The following ZNF609 variants were observed in gnomAD, a reference collection of about 807,000 sequenced individuals.
ZNF609 encodes the protein zinc finger protein 609.
Under a neutral mutation model 109.5 loss-of-function variants are expected in ZNF609, and 11 were observed. That is an observed-to-expected ratio of 0.10 (90% CI 0.06 to 0.17). The LOEUF (loss-of-function observed/expected upper bound fraction) is 0.17. ZNF609 is among the 10% of genes least tolerant of loss of function. The pLI is 1.00. For missense variants in ZNF609, 1,559 were observed against 1,772.4 expected (o/e 0.88, Z 2.16); for synonymous variants, 646 against 662.0 (o/e 0.98, Z 0.37).
intron 2 of ZNF609, among the ~76,000 whole-genome samples, chr15:64,542,726 A>G (rs760054686): frequency 1.6e-4 from 25 of 152,030 alleles, no homozygotes; most frequent in Non-Finnish European, 2.5e-4. Context: ...CCTGTGGATG[A>G]TTCTTCTTTT....
At chr15:64,584,213 T>C (rs1240712789) in intron 2 of ZNF609, among the ~76,000 whole-genome samples, 1 of 152,216 alleles carries the variant, frequency 6.6e-6, no homozygotes, top group East Asian at 1.9e-4. Context: ...GACTCGGCAC[T>C]TTGGGAGGCC....
chr15:64,554,053 G>T (rs1472428968), intron 2 of ZNF609, among the ~76,000 whole-genome samples: 1 of 152,054 alleles, frequency 6.6e-6, no homozygotes, highest in East Asian at 1.9e-4. Context: ...TTTCCATTTA[G>T]ATGCCTTTTA....
At chr15:64,507,300 T>G (rs576004441) in intron 2 of ZNF609, among the ~76,000 whole-genome samples, 1 of 152,322 alleles carries the variant, frequency 6.6e-6, no homozygotes, top group African/African-American at 2.4e-5. Flanking sequence ...ACTTGTATTT[T>G]TGCCATTTGG....
At chr15:64,604,135 T>C (rs572937913) in intron 2 of ZNF609, among the ~76,000 whole-genome samples, 126 of 152,326 alleles carry the variant, frequency 8.3e-4, no homozygotes, top group African/African-American at 2.8e-3. Flanking sequence ...TTGTTCACAT[T>C]TGTTTACCTC....
chr15:64,602,600 T>C (rs1353098070), intron 2 of ZNF609, among the ~76,000 whole-genome samples: 1 of 152,132 alleles, frequency 6.6e-6, no homozygotes, highest in Non-Finnish European at 1.5e-5. Context: ...TTGATGTTCC[T>C]TGGGTTCTCT....
At chr15:64,579,616 A>G (rs1895060979) in intron 2 of ZNF609, among the ~76,000 whole-genome samples, 1 of 151,682 alleles carries the variant, frequency 6.6e-6, no homozygotes, top group Admixed American at 6.6e-5. Flanking sequence ...AGGGTGAGGC[A>G]GGAGAATCAC....
intron 2 of ZNF609, among the ~76,000 whole-genome samples, chr15:64,528,270 G>A (rs1893999993): frequency 6.6e-6 from 1 of 151,474 alleles, no homozygotes. Flanking sequence ...GCTAATTTTT[G>A]AATTTTTTAG....
intron 2 of ZNF609, among the ~76,000 whole-genome samples, chr15:64,582,995 C>A (rs1463700600): frequency 6.6e-6 from 1 of 151,084 alleles, no homozygotes; most frequent in African/African-American, 2.4e-5. Context: ...TTGTGATTCA[C>A]CTGCCTCGGC....
chr15:64,658,118 C>A lies in ZNF609; in HGVS notation c.974-12228C>A, dbSNP rs561061724. 3.3e-5 allele frequency among the ~76,000 whole-genome samples: 5 copies of A among 152,278 alleles called. No individual in the cohort carries two copies. In the South Asian group the frequency reaches 1.0e-3, roughly 32 times the overall value. ...TCTCTATAAAGAGGCAGAAGGAAAA[C>A]AATGCTTGGCTTTTATGCCTTATGT... On this transcript the variant is annotated intron_variant, in intron 3 of 9. Coordinates refer to ENST00000326648, the MANE Select transcript of ZNF609 (RefSeq NM_015042.2).
intron 2 of ZNF609, chr15:64,503,000 A>G (rs1438196314): frequency 1.3e-5 from 2 of 150,592 alleles, no homozygotes; most frequent in Non-Finnish European, 2.9e-5. Flanking sequence ...TGGAGGTTGC[A>G]TTGAGCTGAG....
intron 1 of ZNF609, among the ~76,000 whole-genome samples, chr15:64,469,621 T>C (rs1893066999): frequency 6.6e-6 from 1 of 152,106 alleles, no homozygotes. Flanking sequence ...GCTGTACTTT[T>C]ATTAGGCCAT....
intron 2 of ZNF609, among the ~76,000 whole-genome samples, chr15:64,507,957 C>G (rs1893661430): frequency 6.6e-6 from 1 of 152,054 alleles, no homozygotes; most frequent in Non-Finnish European, 1.5e-5. Context: ...TCCTGGCTGA[C>G]CGAGGAGACA....
intron 3 of ZNF609, among the ~76,000 whole-genome samples, chr15:64,634,585 C>T (rs1422699109): frequency 6.6e-6 from 1 of 152,154 alleles, no homozygotes; most frequent in East Asian, 1.9e-4. Flanking sequence ...AGGTGGCATT[C>T]AGCTATTGGT....
At position 64,680,678 on chromosome 15, in the gene ZNF609, A is replaced by T; in HGVS notation, c.3978A>T (p.Arg1326=). The stretch of plus-strand genomic sequence containing the variant: ...ATAAAACTTCTCAGGAGAGAGATCG[A>T]GGAGGCTGTGGGGTGGTTGGGGGTG... ...ISDKTSQERD[R]GGCGVVGGGG... is the part of the protein sequence containing the mutation. The change falls in exon 8 of 10, where the codon CGA becomes CGT. Residue 1326 remains arginine (R), a synonymous_variant. Transcript: ENST00000326648. 6.3e-7 allele frequency: 1 copy of T among 1,598,150 alleles called. No individual in the cohort carries two copies. Among genetic ancestry groups the T allele is most frequent in the Non-Finnish European group, 8.5e-7 (1 of 1,173,052 alleles).
At chr15:64,553,720 T>C (rs1272080963) in intron 2 of ZNF609, among the ~76,000 whole-genome samples, 1 of 151,992 alleles carries the variant, frequency 6.6e-6, no homozygotes, top group African/African-American at 2.4e-5. Context: ...TGCCTCAGCC[T>C]CCCGAGTAGC....
chr15:64,472,334 G>A (rs1021829317), intron 1 of ZNF609, among the ~76,000 whole-genome samples: 1 of 152,244 alleles, frequency 6.6e-6, no homozygotes, highest in African/African-American at 2.4e-5. Flanking sequence ...ATGAAATCCA[G>A]ATGAGGCAGT....
intron 2 of ZNF609, among the ~76,000 whole-genome samples, chr15:64,537,204 CAG>C (rs1284917931): frequency 6.7e-6 from 1 of 149,734 alleles, no homozygotes; most frequent in Non-Finnish European, 1.5e-5. Context: ...GCCTGGGTAA[CAG>C]AGTGAGACTC....
chr15:64,653,844 C>CT (rs1286869527), intron 3 of ZNF609, among the ~76,000 whole-genome samples: 1 of 152,116 alleles, frequency 6.6e-6, no homozygotes, highest in Admixed American at 6.5e-5. Flanking sequence ...ATATCACACT[C>CT]TCCTAGACTG....
intron 3 of ZNF609, among the ~76,000 whole-genome samples, chr15:64,658,260 C>T (rs967296113): frequency 1.3e-5 from 2 of 152,014 alleles, no homozygotes; most frequent in African/African-American, 2.4e-5. Flanking sequence ...TGCAATGGCA[C>T]GATCTCGGCT....
Sources: gnomAD v4.1 joint callset for allele counts (sites outside exome capture counted in the v4.1 genomes callset) on GRCh38, gnomAD v4.1.1 for gene constraint, MANE v1.5 for transcripts, NCBI Gene and HGNC (gene_info 2026-07-23, HGNC 2026-07-21) for gene names.